DLGAP5: variants seen among roughly 807,000 people sequenced by gnomAD.
The protein encoded by DLGAP5 is DLG associated protein 5.
A neutral mutation model predicts 99.6 loss-of-function variants in DLGAP5; 90 were observed. The observed-to-expected ratio is 0.90, with a 90% CI of 0.76 to 1.08. The LOEUF is 1.08. Ranked by LOEUF, DLGAP5 falls within the 50% of genes least tolerant of loss-of-function variation. The pLI is 0.00. For missense variants in DLGAP5, 1,036 were observed against 983.5 expected, an observed-to-expected ratio of 1.05 and a Z score of -0.71; for synonymous variants, 311 against 321.3, an observed-to-expected ratio of 0.97 and a Z score of 0.34.
intron 10 of DLGAP5, among the ~76,000 whole-genome samples, chr14:55,173,304 C>T (rs1304543119): frequency 1.3e-5 from 2 of 148,552 alleles, no homozygotes; most frequent in Admixed American, 6.7e-5. Context: ...AAAAAACACA[C>T]ACACACCAAA....
chr14:55,149,111 T>G (rs909032955), intron 18 of DLGAP5, among the ~76,000 whole-genome samples: 4 of 152,198 alleles, frequency 2.6e-5, no homozygotes, highest in African/African-American at 9.6e-5. Context: ...AATATCAGAC[T>G]AAATGATAAG....
chr14:55,167,898 T>C (rs1489019818), intron 12 of DLGAP5, among the ~76,000 whole-genome samples: 2 of 152,336 alleles, frequency 1.3e-5, no homozygotes, highest in South Asian at 4.1e-4. Flanking sequence ...ATCCCAGAGT[T>C]ACATAACAGT....
At chr14:55,170,846 T>C in intron 10 of DLGAP5, 59 bp from the exon 11 acceptor site, 2 of 1,209,720 alleles carry the variant, frequency 1.7e-6, no homozygotes, top group Non-Finnish European at 2.5e-6. Context: ...TAGCTAAGTA[T>C]TAGCATAACA....
At chr14:55,167,169 G>A (rs967693736) in intron 12 of DLGAP5, among the ~76,000 whole-genome samples, 8 of 150,042 alleles carry the variant, frequency 5.3e-5, no homozygotes, top group Admixed American at 2.0e-4. Context: ...CAGGAGAATC[G>A]CTTGAACCCA....
chr14:55,170,893 C>T, intron 10 of DLGAP5, 106 bp from the exon 11 acceptor site: 6 of 759,410 alleles, frequency 7.9e-6, no homozygotes, highest in Non-Finnish European at 1.3e-5. Flanking sequence ...TAAAAGGGAG[C>T]CACAATATTT....
At chr14:55,155,637 C>T (rs554666537) in intron 14 of DLGAP5, among the ~76,000 whole-genome samples, 1 of 152,036 alleles carries the variant, frequency 6.6e-6, no homozygotes, top group South Asian at 2.1e-4. Flanking sequence ...TGTGAGCCAC[C>T]GTGCCTGGAC....
At chr14:55,150,052 CAA>C (rs559049001) in intron 18 of DLGAP5, among the ~76,000 whole-genome samples, 32 of 93,260 alleles carry the variant, frequency 3.4e-4, no homozygotes, top group Admixed American at 3.6e-4. Flanking sequence ...AACTCTGTCT[CAA>C]AAAAAAAAAA....
At chr14:55,156,013 C>G (rs949718379) in intron 14 of DLGAP5, among the ~76,000 whole-genome samples, 1 of 151,936 alleles carries the variant, frequency 6.6e-6, no homozygotes, top group Non-Finnish European at 1.5e-5. Flanking sequence ...ATGGCGTGAA[C>G]CCAGGAGGCG....
intron 15 of DLGAP5, among the ~76,000 whole-genome samples, chr14:55,153,474 G>T (rs2140304379): frequency 6.6e-6 from 1 of 151,514 alleles, no homozygotes. Flanking sequence ...CTGGGAGGCG[G>T]AGGTTGCAGT....
At chr14:55,157,936 A>AT (rs1385441740) in intron 14 of DLGAP5, among the ~76,000 whole-genome samples, 3 of 151,980 alleles carry the variant, frequency 2.0e-5, no homozygotes, top group African/African-American at 7.3e-5. Flanking sequence ...TTAATATTTT[A>AT]TTTTTTTGTA....
chr14:55,176,488 ATG>A lies in DLGAP5; in HGVS notation c.1050-472_1050-471del, dbSNP rs140788849. 9.8e-4 allele frequency among the ~76,000 whole-genome samples: 149 copies of A among 152,350 alleles called. 4 individuals carry two copies. The East Asian group carries it at 0.023, about 23-fold the overall frequency. On this transcript the variant is annotated intron_variant, in intron 8 of 18. Coordinates refer to ENST00000247191, the MANE Select transcript of DLGAP5 (RefSeq NM_014750.5). ...GCAATTTTCTTCTTTTGAAAAATGT[ATG>A]TGTTATAATTAAGTCATTTATTAAA...
intron 18 of DLGAP5, 62 bp downstream of exon 18, chr14:55,150,737 C>A: frequency 8.2e-7 from 1 of 1,219,194 alleles, no homozygotes; most frequent in Admixed American, 2.6e-5. Context: ...AATAGAAAAG[C>A]AATATTCATT....
chr14:55,156,496 G>A (rs565147543), intron 14 of DLGAP5, among the ~76,000 whole-genome samples: 14 of 152,302 alleles, frequency 9.2e-5, no homozygotes, highest in Non-Finnish European at 1.3e-4. Context: ...CATCTTCTCT[G>A]GGGAATCTGA....
At chr14:55,178,763 C>G (rs796540708) in intron 7 of DLGAP5, among the ~76,000 whole-genome samples, 5 of 152,238 alleles carry the variant, frequency 3.3e-5, no homozygotes, top group African/African-American at 1.2e-4. Context: ...AGAAATTATA[C>G]TGGCCAGGCG....
Position 55,151,879 on chromosome 14 carries a change from A to T in DLGAP5, c.2184T>A (p.Leu728=). The T allele has an allele frequency of 1.2e-6, 2 of 1,614,008 alleles. No homozygotes were observed. Among genetic ancestry groups the T allele is most frequent in the Non-Finnish European group, 1.7e-6 (2 of 1,179,930 alleles). The change falls in exon 17 of 19, where the codon CTT becomes CTA. Residue 728 remains leucine (L), a synonymous_variant. Coordinates refer to ENST00000247191, the MANE Select transcript of DLGAP5 (RefSeq NM_014750.5). ...CLSSERMSLP[L]LAGGVADDIN... is the part of the protein sequence containing the mutation. Reference sequence around the variant, plus strand: ...TATCATCTGCTACTCCACCAGCAAGAAGAGGCAAACTCATTCTCTCACTGG... The same window carrying T: ...TATCATCTGCTACTCCACCAGCAAGTAGAGGCAAACTCATTCTCTCACTGG...
intron 2 of DLGAP5, among the ~76,000 whole-genome samples, chr14:55,185,269 G>A (rs971623553): frequency 6.6e-6 from 1 of 152,196 alleles, no homozygotes; most frequent in Non-Finnish European, 1.5e-5. Context: ...GCGTGATCTC[G>A]GCTCAATGCA....
intron 12 of DLGAP5, among the ~76,000 whole-genome samples, chr14:55,163,279 T>G (rs1033955334): frequency 6.6e-6 from 1 of 152,220 alleles, no homozygotes; most frequent in Non-Finnish European, 1.5e-5. Flanking sequence ...ACCTCCAAAA[T>G]CTACATAAAG....
At chr14:55,163,131 C>T (rs148385265) in intron 12 of DLGAP5, 56 bp from the exon 13 acceptor site, 1,015 of 1,101,044 alleles carry the variant, frequency 9.2e-4, no homozygotes, top group Non-Finnish European at 1.2e-3. Context: ...AAGTTATAAA[C>T]GAATGAGCTG....
At position 55,179,616 on chromosome 14, in the gene DLGAP5, G is replaced by A. The variant is rs1391885309; in HGVS notation, c.774+13C>T. The A allele has an allele frequency of 6.2e-7, 1 of 1,601,122 alleles. No individual in the cohort carries two copies. ...TCAAAGCATCTAGAATTAAAAAGATGTTTATTCTCTACCTTGTCGGGTTTT... is the reference window on the plus strand; with the variant it reads ...TCAAAGCATCTAGAATTAAAAAGATATTTATTCTCTACCTTGTCGGGTTTT... On this transcript the variant is annotated intron_variant, in intron 7 of 18. Transcript: ENST00000247191.
Sources: gnomAD v4.1 joint callset for allele counts (sites outside exome capture counted in the v4.1 genomes callset) on GRCh38, gnomAD v4.1.1 for gene constraint, MANE v1.5 for transcripts, NCBI Gene and HGNC (gene_info 2026-07-23, HGNC 2026-07-21) for gene names.